The following GRID2 variants were observed in gnomAD, a reference collection of about 807,000 sequenced individuals.
GRID2 encodes the protein glutamate receptor ionotropic, delta-2.
A neutral mutation model predicts 114.8 loss-of-function variants in GRID2; 33 were observed. That is an observed-to-expected ratio of 0.29 (90% CI 0.22 to 0.38). The LOEUF (loss-of-function observed/expected upper bound fraction) is 0.38. GRID2 is among the 10% of genes least tolerant of loss of function. The probability of loss-of-function intolerance (pLI) is 1.00; values close to 1 mark genes in which losing one functional copy is unlikely to be tolerated. For missense variants in GRID2, 1,184 were observed against 1,257.7 expected, an observed-to-expected ratio of 0.94 and a Z score of 0.89; for synonymous variants, 505 against 449.9, an observed-to-expected ratio of 1.12 and a Z score of -1.55.
chr4:92,595,178 A>G (rs186912015), intron 2 of GRID2, among the ~76,000 whole-genome samples: 1 of 152,120 alleles, frequency 6.6e-6, no homozygotes, highest in East Asian at 1.9e-4. Context: ...TAAAGTCACA[A>G]ATGATTCTGT....
At chr4:93,233,679 C>A (rs1746421444) in intron 7 of GRID2, among the ~76,000 whole-genome samples, 1 of 152,136 alleles carries the variant, frequency 6.6e-6, no homozygotes, top group South Asian at 2.1e-4. Flanking sequence ...GTGATAAAAT[C>A]AGATTATCCC....
chr4:92,941,511 A>G (rs957153173), intron 2 of GRID2, among the ~76,000 whole-genome samples: 1 of 152,086 alleles, frequency 6.6e-6, no homozygotes, highest in Non-Finnish European at 1.5e-5. Flanking sequence ...GATCTTTTCA[A>G]AAAACCAGCT....
intron 5 of GRID2, among the ~76,000 whole-genome samples, chr4:93,212,347 T>C (rs867049871): frequency 9.9e-5 from 15 of 152,240 alleles, no homozygotes; most frequent in South Asian, 2.1e-4. Flanking sequence ...ACAATATATT[T>C]TTTTCATTTG....
intron 4 of GRID2, among the ~76,000 whole-genome samples, chr4:93,150,505 C>G (rs1306594006): frequency 6.6e-6 from 1 of 152,090 alleles, no homozygotes; most frequent in Non-Finnish European, 1.5e-5. Context: ...TAAGTGCTCA[C>G]TGTGCCCCCA....
At chr4:92,601,679 G>A (rs1729221693) in intron 2 of GRID2, among the ~76,000 whole-genome samples, 1 of 151,872 alleles carries the variant, frequency 6.6e-6, no homozygotes, top group South Asian at 2.1e-4. Context: ...AAATAACCAA[G>A]ATCAGAGAGG....
At chr4:92,645,560 A>G (rs776134868) in intron 2 of GRID2, among the ~76,000 whole-genome samples, 2 of 151,748 alleles carry the variant, frequency 1.3e-5, no homozygotes, top group Non-Finnish European at 2.9e-5. Flanking sequence ...ACTGTGATAC[A>G]TCTATGTACC....
chr4:93,138,821 T>C (rs557394663), intron 4 of GRID2, among the ~76,000 whole-genome samples: 1 of 152,304 alleles, frequency 6.6e-6, no homozygotes, highest in East Asian at 1.9e-4. Context: ...TCCTAAATAA[T>C]GTCCAAAGAA....
chr4:93,266,390 C>T (rs1750831234), intron 8 of GRID2, among the ~76,000 whole-genome samples: 1 of 152,044 alleles, frequency 6.6e-6, no homozygotes, highest in African/African-American at 2.4e-5. Flanking sequence ...CTATAAGCCA[C>T]CTGTGTTGTT....
intron 1 of GRID2, among the ~76,000 whole-genome samples, chr4:92,485,359 G>A (rs1722832392): frequency 7.1e-6 from 1 of 141,330 alleles, no homozygotes; most frequent in South Asian, 2.3e-4. Context: ...GTGTGTGTGT[G>A]TGTGTGTGTG....
chr4:92,440,485 C>T (rs1298217738), intron 1 of GRID2, among the ~76,000 whole-genome samples: 21 of 150,578 alleles, frequency 1.4e-4, no homozygotes, highest in African/African-American at 2.9e-4. Flanking sequence ...AGCTAATTTG[C>T]CAGTCCTGGG....
intron 8 of GRID2, among the ~76,000 whole-genome samples, chr4:93,280,119 A>G (rs1242415400): frequency 6.6e-6 from 1 of 151,954 alleles, no homozygotes; most frequent in African/African-American, 2.4e-5. Flanking sequence ...TATCTGTGAT[A>G]GGATTTTGTG....
At chr4:93,534,031 TCC>T (rs1269115153) in intron 13 of GRID2, among the ~76,000 whole-genome samples, 2 of 152,044 alleles carry the variant, frequency 1.3e-5, no homozygotes, top group Non-Finnish European at 2.9e-5. Context: ...CCAACCACAC[TCC>T]CCTTTTCACT....
rs557627080 is a variant in GRID2 at position 93,739,195 on chromosome 4, G to T, written c.2361-30015G>T. 5.3e-5 allele frequency among the ~76,000 whole-genome samples: 8 copies of T among 151,904 alleles called. No homozygotes were observed. The East Asian group carries it at 1.4e-3, about 26-fold the overall frequency. On this transcript the variant is annotated intron_variant, in intron 14 of 15. Coordinates refer to ENST00000282020, the MANE Select transcript of GRID2 (RefSeq NM_001510.4). ...GCCAAACCATTTCTTTATTTTCTAC[G>T]GTGTTTCCTCAAAAAAAGACACTAT...
At chr4:92,464,547 A>G (rs1721654136) in intron 1 of GRID2, among the ~76,000 whole-genome samples, 1 of 152,038 alleles carries the variant, frequency 6.6e-6, no homozygotes, top group Admixed American at 6.6e-5. Flanking sequence ...GCCTGCTAAT[A>G]TTTCGAGTGA....
intron 2 of GRID2, among the ~76,000 whole-genome samples, chr4:92,743,088 A>T (rs982933709): frequency 2.0e-5 from 3 of 152,132 alleles, no homozygotes; most frequent in Non-Finnish European, 4.4e-5. Flanking sequence ...ACCAGCTTGG[A>T]CAACATGGTG....
At chr4:92,431,571 C>A (rs1460570799) in intron 1 of GRID2, among the ~76,000 whole-genome samples, 2 of 142,068 alleles carry the variant, frequency 1.4e-5, no homozygotes, top group African/African-American at 5.3e-5. Context: ...TATTGTTTGA[C>A]GTGTCTTTTT....
intron 4 of GRID2, among the ~76,000 whole-genome samples, chr4:93,158,357 G>A (rs1503211): frequency 0.56 from 84,874 of 151,526 alleles, 25,169 homozygotes; most frequent in African/African-American, 0.72. Flanking sequence ...TTTGAAGTAG[G>A]TGAAGCCTCC....
intron 8 of GRID2, among the ~76,000 whole-genome samples, chr4:93,292,126 C>T (rs1408192195): frequency 6.6e-6 from 1 of 152,182 alleles, no homozygotes; most frequent in Non-Finnish European, 1.5e-5. Context: ...TGTGATTTTA[C>T]ATACTCAGAG....
chr4:92,807,090 A>G (rs890874150), intron 2 of GRID2, among the ~76,000 whole-genome samples: 1 of 151,972 alleles, frequency 6.6e-6, no homozygotes, highest in Non-Finnish European at 1.5e-5. Flanking sequence ...TTCATCCAAT[A>G]TTGTTCCAAA....
Sources: gnomAD v4.1 joint callset for allele counts (sites outside exome capture counted in the v4.1 genomes callset) on GRCh38, gnomAD v4.1.1 for gene constraint, MANE v1.5 for transcripts, NCBI Gene and HGNC (gene_info 2026-07-23, HGNC 2026-07-21) for gene names.